Variants in DMD observed in about 807,000 individuals in gnomAD.
DMD encodes dystrophin, also known as mutant dystrophin.
DMD carries 63 observed loss-of-function variants against 330.1 expected under a neutral mutation model. That is an observed-to-expected ratio of 0.19 (90% confidence interval 0.16 to 0.24). DMD has a LOEUF of 0.24. DMD is among the 10% of genes least tolerant of loss of function. The pLI is 1.00. For missense variants in DMD, 3,344 were observed against 2,684.1 expected, an observed-to-expected ratio of 1.25 and a Z score of -5.43; for synonymous variants, 1,223 against 959.8, an observed-to-expected ratio of 1.27 and a Z score of -5.07.
intron 54 of DMD, among the ~76,000 whole-genome samples, chrX:31,635,624 A>T (rs1361076297): frequency 8.9e-6 from 1 of 112,108 alleles, no homozygotes; most frequent in Admixed American, 9.5e-5. Flanking sequence ...AAATAAACTT[A>T]TAGTAGAGTC....
chrX:31,941,712 C>A (rs775829786), intron 45 of DMD, among the ~76,000 whole-genome samples: 2 of 111,392 alleles, frequency 1.8e-5, no homozygotes, highest in East Asian at 5.7e-4. Flanking sequence ...CCTTCCTCCC[C>A]CTTCTAGTAG....
intron 55 of DMD, among the ~76,000 whole-genome samples, chrX:31,538,434 T>C (rs1462663573): frequency 8.9e-6 from 1 of 112,401 alleles, no homozygotes; most frequent in African/African-American, 3.2e-5. Context: ...ATCAAACCTA[T>C]TTCCTTTATT....
At chrX:33,020,608 A>T (rs2147759950) in intron 1 of DMD, among the ~76,000 whole-genome samples, 1 of 111,658 alleles carries the variant, frequency 9.0e-6, no homozygotes, top group South Asian at 3.8e-4. Context: ...CAGGAGGTGG[A>T]GGTTGCAGTG....
At chrX:31,720,219 G>A (rs999481711) in intron 52 of DMD, among the ~76,000 whole-genome samples, 30 of 112,066 alleles carry the variant, frequency 2.7e-4, no homozygotes, top group African/African-American at 9.4e-4. Flanking sequence ...AAGACAGGTG[G>A]CAAGCAATTT....
chrX:31,845,217 G>A (rs1447855055), intron 48 of DMD, among the ~76,000 whole-genome samples: 1 of 111,109 alleles, frequency 9.0e-6, no homozygotes, highest in African/African-American at 3.3e-5. Context: ...AATGAGTCAT[G>A]TCAACATACT....
At chrX:32,470,971 G>T (rs887238250) in intron 22 of DMD, among the ~76,000 whole-genome samples, 1 of 111,556 alleles carries the variant, frequency 9.0e-6, no homozygotes, top group African/African-American at 3.3e-5. Context: ...ATATAATGTA[G>T]TATTTTATAA....
intron 37 of DMD, among the ~76,000 whole-genome samples, chrX:32,356,938 G>T (rs1489836119): frequency 9.0e-6 from 1 of 111,046 alleles, no homozygotes; most frequent in Non-Finnish European, 1.9e-5. Flanking sequence ...CGCCCAGGCT[G>T]GGGTGCAGTG....
chrX:31,402,180 G>A (rs763517063), intron 60 of DMD, among the ~76,000 whole-genome samples: 4 of 111,546 alleles, frequency 3.6e-5, no homozygotes, highest in Non-Finnish European at 7.5e-5. Flanking sequence ...GGGAGGGACT[G>A]GAATAAGAAA....
At chrX:32,173,354 G>T (rs1179028348) in intron 44 of DMD, among the ~76,000 whole-genome samples, 5 of 110,045 alleles carry the variant, frequency 4.5e-5, no homozygotes, top group Non-Finnish European at 7.6e-5. Context: ...TATTTCTGAT[G>T]CTTCCTAAAA....
chrX:32,815,518 T>TACACACACACACACACAC (rs1355168422), intron 6 of DMD, among the ~76,000 whole-genome samples: 10 of 45,476 alleles, frequency 2.2e-4, no homozygotes, highest in African/African-American at 7.7e-4. Flanking sequence ...TATATATATA[T>TACACACACACACACACAC]ATACACACAC....
intron 1 of DMD, among the ~76,000 whole-genome samples, chrX:33,333,953 C>A (rs186174265): frequency 3.4e-3 from 373 of 110,933 alleles, no homozygotes; most frequent in African/African-American, 0.011. Context: ...AGTCTATAAA[C>A]CCACGAAGAG....
chrX:32,858,453 C>A (rs1290857325), intron 2 of DMD, among the ~76,000 whole-genome samples: 5 of 111,803 alleles, frequency 4.5e-5, no homozygotes, highest in Non-Finnish European at 7.5e-5. Flanking sequence ...CCTCAGCCTC[C>A]CAAGTAGCTG....
intron 51 of DMD, among the ~76,000 whole-genome samples, chrX:31,742,588 A>G (rs771179053): frequency 1.8e-4 from 20 of 111,958 alleles, no homozygotes; most frequent in African/African-American, 6.5e-4. Context: ...GAAAATAAGT[A>G]ATGGGAAAAG....
At position 31,121,352 on chromosome X, in the gene DMD, A is replaced by G. The variant is rs1460413023; in HGVS notation, c.*567T>C. The G allele has an allele frequency of 8.4e-6, 1 of 119,509 alleles. No homozygotes were observed. The highest frequency in any genetic ancestry group is 1.7e-5 in the Non-Finnish European group (1 of 58,547). The allele number at this position is 119,509 out of a possible 1,213,427, so 9.8% of individuals were successfully genotyped here. A position where few individuals can be genotyped will look rare whatever the true frequency, so the allele number is the denominator to read the frequency against. On this transcript the variant is annotated 3_prime_UTR_variant, in exon 79 of 79. Transcript: ENST00000357033. ...GAGGAAGTCTTATCTTTAATATGCA[A>G]AAAAAGAAAAAGCCATGAATTTCAT...
intron 74 of DMD, 82 bp downstream of exon 74, chrX:31,169,361 A>G: frequency 1.4e-6 from 1 of 705,707 alleles, no homozygotes; most frequent in East Asian, 3.3e-5. Context: ...AAATGACTCT[A>G]AGTGAAGATT....
chrX:32,856,426 T>C lies in DMD; in HGVS notation c.94-6606A>G, dbSNP rs193198125. Among the ~76,000 whole-genome samples, 260 of 111,521 alleles carry C rather than the reference T, an allele frequency of 2.3e-3. 2 individuals are homozygous for C. Among genetic ancestry groups the C allele is most frequent in the African/African-American group, 8.1e-3 (250 of 30,738 alleles). On this transcript the variant is annotated intron_variant, in intron 2 of 78. Coordinates refer to ENST00000357033, the MANE Select transcript of DMD (RefSeq NM_004006.3). Reference sequence around the variant, plus strand: ...AGCAATCCAAGTATCCATTAACAAATGAATGGATAAAGAAAATGTGGTACA... The same window carrying C: ...AGCAATCCAAGTATCCATTAACAAACGAATGGATAAAGAAAATGTGGTACA...
intron 55 of DMD, among the ~76,000 whole-genome samples, chrX:31,574,481 T>C (rs911013289): frequency 2.7e-5 from 3 of 111,161 alleles, no homozygotes; most frequent in Non-Finnish European, 3.8e-5. Flanking sequence ...GAAATAAGGA[T>C]GTAAAATGGA....
At chrX:32,124,851 G>A (rs1301528327) in intron 44 of DMD, among the ~76,000 whole-genome samples, 1 of 109,918 alleles carries the variant, frequency 9.1e-6, no homozygotes, top group Non-Finnish European at 1.9e-5. Flanking sequence ...CCGGTAAGAC[G>A]GGCAGGAAAA....
intron 1 of DMD, among the ~76,000 whole-genome samples, chrX:33,168,752 C>A (rs1473126028): frequency 9.1e-6 from 1 of 109,771 alleles, no homozygotes; most frequent in Non-Finnish European, 1.9e-5. Flanking sequence ...TGGGAGTCTA[C>A]CTGGATTATT....
Sources: allele counts gnomAD v4.1 joint callset (sites outside exome capture counted in the v4.1 genomes callset), GRCh38; gene constraint gnomAD v4.1.1; transcripts MANE v1.5; gene names NCBI Gene and HGNC (gene_info 2026-07-23, HGNC 2026-07-21).